The following PALS1 variants were observed in gnomAD, a reference collection of about 807,000 sequenced individuals.
PALS1 encodes the protein protein associated with LIN7 1, MAGUK p55 family member, also known as protein PALS1.
A neutral mutation model predicts 78.9 loss-of-function variants in PALS1; 31 were observed. That is an observed-to-expected ratio of 0.39 (90% CI 0.30 to 0.53). The LOEUF is 0.53. PALS1 is among the 20% of genes least tolerant of loss of function. The probability of loss-of-function intolerance (pLI) is 0.67; values close to 1 mark genes in which losing one functional copy is unlikely to be tolerated. For synonymous variants in PALS1, 276 were observed against 270.9 expected, an observed-to-expected ratio of 1.02 and a Z score of -0.18; for missense variants, 704 against 826.5, an observed-to-expected ratio of 0.85 and a Z score of 1.82.
At chr14:67,260,417 A>G (rs2084217394) in intron 1 of PALS1, among the ~76,000 whole-genome samples, 1 of 152,232 alleles carries the variant, frequency 6.6e-6, no homozygotes, top group Admixed American at 6.5e-5. Context: ...TGTATATAGC[A>G]CAATATATTT....
chr14:67,322,411 C>T (rs552464337), intron 13 of PALS1, among the ~76,000 whole-genome samples: 19 of 152,214 alleles, frequency 1.2e-4, no homozygotes, highest in East Asian at 9.7e-4. Context: ...CCAAATGTTA[C>T]GGAAAATTGT....
chr14:67,265,591 T>C (rs748155129), intron 1 of PALS1, among the ~76,000 whole-genome samples: 12 of 151,372 alleles, frequency 7.9e-5, no homozygotes, highest in Non-Finnish European at 1.6e-4. Context: ...GCGCAGTGGC[T>C]CACGCCTGTA....
intron 8 of PALS1, among the ~76,000 whole-genome samples, chr14:67,308,031 G>A (rs572345103): frequency 6.6e-6 from 1 of 152,134 alleles, no homozygotes; most frequent in South Asian, 2.1e-4. Context: ...TAAATGATGA[G>A]AACACGTGGA....
intron 1 of PALS1, among the ~76,000 whole-genome samples, chr14:67,266,649 A>G (rs1241529632): frequency 1.3e-5 from 2 of 151,952 alleles, no homozygotes; most frequent in Non-Finnish European, 2.9e-5. Context: ...TTTTACTTGT[A>G]TTTATTTAGT....
chr14:67,325,446 A>C (rs1276404051), intron 14 of PALS1, among the ~76,000 whole-genome samples: 2 of 152,138 alleles, frequency 1.3e-5, no homozygotes, highest in African/African-American at 2.4e-5. Flanking sequence ...ATATACCTAC[A>C]AATTCTTAAG....
At chr14:67,267,404 A>G (rs1364686725) in intron 1 of PALS1, among the ~76,000 whole-genome samples, 1 of 151,966 alleles carries the variant, frequency 6.6e-6, no homozygotes, top group Non-Finnish European at 1.5e-5. Context: ...GATTACAGGC[A>G]TGCACCACCA....
chr14:67,329,401 T>A (rs182204921), intron 14 of PALS1, among the ~76,000 whole-genome samples: 206 of 152,350 alleles, frequency 1.4e-3, no homozygotes, highest in African/African-American at 4.4e-3. Context: ...GTTTTCTACA[T>A]GTACAATCAT....
intron 14 of PALS1, among the ~76,000 whole-genome samples, chr14:67,326,866 TA>T (rs1247051837): frequency 3.9e-5 from 6 of 152,190 alleles, no homozygotes; most frequent in African/African-American, 1.4e-4. Context: ...ATTCTTCAGT[TA>T]AAAAATATTT....
At chr14:67,315,302 A>G (rs1167392161) in intron 9 of PALS1, among the ~76,000 whole-genome samples, 2 of 133,658 alleles carry the variant, frequency 1.5e-5, no homozygotes, top group Non-Finnish European at 3.1e-5. Flanking sequence ...TTTGAGACAA[A>G]ATCTCGCTCT....
chr14:67,293,965 G>A (rs1481453576), intron 4 of PALS1, among the ~76,000 whole-genome samples: 1 of 152,154 alleles, frequency 6.6e-6, no homozygotes, highest in African/African-American at 2.4e-5. Flanking sequence ...AAGGTGGAAA[G>A]AAGGGAGAAA....
At chr14:67,252,081 T>G (rs1410808215) in intron 1 of PALS1, among the ~76,000 whole-genome samples, 1 of 152,234 alleles carries the variant, frequency 6.6e-6, no homozygotes, top group Non-Finnish European at 1.5e-5. Flanking sequence ...TCTTTGCATC[T>G]CTTCCATTTG....
At position 67,332,837 on chromosome 14, in the gene PALS1, C is replaced by CACT. The variant is rs2085470032; in HGVS notation, c.1913_1915dup (p.Tyr638dup). Reference sequence around the variant, plus strand: ...AAGAGAGATGGAGCAGAACAATGGCCACTACTTTGATACGGCAATTGTGAA... The same window carrying CACT: ...AAGAGAGATGGAGCAGAACAATGGCCACTACTACTTTGATACGGCAATTGTGAA... On this transcript the variant is annotated inframe_insertion, in exon 15 of 15. Coordinates refer to ENST00000261681, the MANE Select transcript of PALS1 (RefSeq NM_022474.4). 1 of 1,613,882 alleles carries CACT rather than the reference C, an allele frequency of 6.2e-7. No individual in the cohort carries two copies. Among genetic ancestry groups the CACT allele is most frequent in the African/African-American group, 1.3e-5 (1 of 74,900 alleles).
At chr14:67,303,487 C>G (rs759808484) in intron 7 of PALS1, 35 bp from the exon 8 acceptor site, 2 of 1,519,446 alleles carry the variant, frequency 1.3e-6, no homozygotes, top group South Asian at 1.1e-5. Flanking sequence ...TTCATAAATG[C>G]AAATTTAAAA....
chr14:67,305,533 G>A (rs562508204), intron 8 of PALS1, among the ~76,000 whole-genome samples: 20 of 152,146 alleles, frequency 1.3e-4, no homozygotes, highest in Non-Finnish European at 2.6e-4. Flanking sequence ...CACCCGCCTC[G>A]GCCTCCCGAA....
chr14:67,296,292 A>T (rs2084847057), intron 4 of PALS1, among the ~76,000 whole-genome samples: 1 of 152,106 alleles, frequency 6.6e-6, no homozygotes, highest in Admixed American at 6.5e-5. Flanking sequence ...TAAGCATAGG[A>T]CTTAATGTTA....
chr14:67,271,537 T>C (rs1170356014), intron 2 of PALS1: 1 of 152,212 alleles, frequency 6.6e-6, no homozygotes, highest in Non-Finnish European at 1.5e-5. Flanking sequence ...ACAGGGATTA[T>C]AGGATTCCAG....
At chr14:67,261,853 CAG>C (rs2140509896) in intron 1 of PALS1, among the ~76,000 whole-genome samples, 1 of 152,012 alleles carries the variant, frequency 6.6e-6, no homozygotes. Context: ...GCATATGTAA[CAG>C]TGAAATTAAT....
At chr14:67,330,007 A>T (rs1566586724) in intron 14 of PALS1, among the ~76,000 whole-genome samples, 1 of 151,124 alleles carries the variant, frequency 6.6e-6, no homozygotes, top group East Asian at 1.9e-4. Flanking sequence ...TAAAGATGTG[A>T]TTTTTTTCTT....
intron 3 of PALS1, among the ~76,000 whole-genome samples, chr14:67,291,446 G>C (rs1463866769): frequency 2.6e-5 from 4 of 152,052 alleles, no homozygotes; most frequent in Admixed American, 1.3e-4. Context: ...CACTGTTCCC[G>C]GCTAATTTTT....
Sources: gnomAD v4.1 joint callset for allele counts (sites outside exome capture counted in the v4.1 genomes callset) on GRCh38, gnomAD v4.1.1 for gene constraint, MANE v1.5 for transcripts, NCBI Gene and HGNC (gene_info 2026-07-23, HGNC 2026-07-21) for gene names.